SPMIP2: variants seen among roughly 807,000 people sequenced by gnomAD.
The protein encoded by SPMIP2 is sperm microtubule inner protein 2, also known as protein SPMIP2.
chr4:158,973,244 A>G, the SPMIP2 span: 1 of 1,613,882 alleles, frequency 6.2e-7, no homozygotes, highest in Non-Finnish European at 8.5e-7. Context: ...CTAACGCCAG[A>G]TGCTGTTCTC....
the SPMIP2 span, among the ~76,000 whole-genome samples, chr4:158,902,450 G>T: frequency 6.6e-6 from 1 of 152,226 alleles, no homozygotes; most frequent in African/African-American, 2.4e-5. Flanking sequence ...TCCCAGTCAG[G>T]ATACACAGGG....
chr4:159,073,102 C>T, the SPMIP2 span, among the ~76,000 whole-genome samples: 3 of 152,156 alleles, frequency 2.0e-5, no homozygotes, highest in African/African-American at 7.2e-5. Context: ...AATGTCACAC[C>T]TATGGAGGGA....
chr4:158,933,689 C>G, the SPMIP2 span, among the ~76,000 whole-genome samples: 1 of 150,720 alleles, frequency 6.6e-6, no homozygotes, highest in East Asian at 1.9e-4. Flanking sequence ...TTTTTTATGT[C>G]TCTCCTTCTA....
At chr4:159,051,339 G>A in the SPMIP2 span, among the ~76,000 whole-genome samples, 10 of 152,136 alleles carry the variant, frequency 6.6e-5, no homozygotes, top group South Asian at 2.1e-4. Context: ...TGGACTTTTG[G>A]GGGGAGCTTC....
At chr4:159,037,815 C>A in the SPMIP2 span, among the ~76,000 whole-genome samples, 3 of 142,248 alleles carry the variant, frequency 2.1e-5, no homozygotes, top group Non-Finnish European at 4.6e-5. Flanking sequence ...CACACACACA[C>A]ACACACACAC....
chr4:158,961,723 C>A, the SPMIP2 span, among the ~76,000 whole-genome samples: 1 of 152,020 alleles, frequency 6.6e-6, no homozygotes, highest in Admixed American at 6.6e-5. Context: ...AATAACACAT[C>A]TTTTTTCCAT....
At chr4:158,941,749 CAT>C in the SPMIP2 span, among the ~76,000 whole-genome samples, 11 of 152,254 alleles carry the variant, frequency 7.2e-5, no homozygotes, top group African/African-American at 2.2e-4. Context: ...CAACTAGAAA[CAT>C]GTGGCTTTTT....
At chr4:158,962,291 A>G in the SPMIP2 span, among the ~76,000 whole-genome samples, 1 of 152,148 alleles carries the variant, frequency 6.6e-6, no homozygotes, top group South Asian at 2.1e-4. Flanking sequence ...TCTTTTGGGG[A>G]CTGTTCCTGA....
At chr4:159,072,781 G>C in the SPMIP2 span, among the ~76,000 whole-genome samples, 2 of 152,090 alleles carry the variant, frequency 1.3e-5, no homozygotes, top group African/African-American at 2.4e-5. Flanking sequence ...AAATTCTTCA[G>C]AGAAACTACT....
the SPMIP2 span, among the ~76,000 whole-genome samples, chr4:159,028,358 C>T: frequency 3.4e-4 from 52 of 152,110 alleles, no homozygotes; most frequent in East Asian, 7.9e-3. Context: ...CGAGATAGGG[C>T]CTTGCTCTGT....
the SPMIP2 span, among the ~76,000 whole-genome samples, chr4:158,953,827 G>A: frequency 6.6e-5 from 10 of 152,224 alleles, no homozygotes; most frequent in African/African-American, 1.7e-4. Context: ...TAATTTGACC[G>A]CTCCACTGGA....
the SPMIP2 span, among the ~76,000 whole-genome samples, chr4:158,912,392 A>G: frequency 6.6e-6 from 1 of 152,218 alleles, no homozygotes; most frequent in Non-Finnish European, 1.5e-5. Context: ...ATCTATTTTG[A>G]TGGGAAAGTT....
At chr4:159,032,641 AGAG>A in the SPMIP2 span, among the ~76,000 whole-genome samples, 5 of 152,344 alleles carry the variant, frequency 3.3e-5, no homozygotes, top group Admixed American at 1.3e-4. Context: ...GCTAAGGAAA[AGAG>A]GAGATTTATT....
At chr4:158,902,640 C>A in the SPMIP2 span, among the ~76,000 whole-genome samples, 4 of 152,368 alleles carry the variant, frequency 2.6e-5, no homozygotes, top group African/African-American at 7.2e-5. Flanking sequence ...TATCTATAAA[C>A]CCCTAACTGG....
the SPMIP2 span, among the ~76,000 whole-genome samples, chr4:158,962,405 A>C: frequency 3.3e-5 from 5 of 152,152 alleles, no homozygotes; most frequent in South Asian, 1.0e-3. Context: ...CTCTATAACT[A>C]TGAGTCTTTC....
the SPMIP2 span, among the ~76,000 whole-genome samples, chr4:158,977,131 C>T: frequency 6.6e-6 from 1 of 151,988 alleles, no homozygotes; most frequent in Admixed American, 6.6e-5. Context: ...AGGAGGAGTC[C>T]CTCTTTTTCT....
the SPMIP2 span, chr4:159,026,633 A>T: frequency 3.1e-6 from 1 of 319,018 alleles, no homozygotes. Flanking sequence ...GTGTTCAATT[A>T]TCTTTATCAC....
At chr4:158,920,046 G>A in the SPMIP2 span, among the ~76,000 whole-genome samples, 114 of 152,314 alleles carry the variant, frequency 7.5e-4, no homozygotes, top group African/African-American at 2.3e-3. Flanking sequence ...CAGGGACCCC[G>A]AATGGAGGGA....
At chr4:158,916,484 G>A in the SPMIP2 span, among the ~76,000 whole-genome samples, 1 of 152,144 alleles carries the variant, frequency 6.6e-6, no homozygotes, top group Non-Finnish European at 1.5e-5. Context: ...GGAGGGAAGT[G>A]ACCATGGCTG....
Sources: gnomAD v4.1 joint callset for allele counts (sites outside exome capture counted in the v4.1 genomes callset) on GRCh38, gnomAD v4.1.1 for gene constraint, MANE v1.5 for transcripts, NCBI Gene and HGNC (gene_info 2026-07-23, HGNC 2026-07-21) for gene names.